Variants in CTSB observed in about 807,000 individuals in gnomAD.
The protein encoded by CTSB is cathepsin B, also known as APP secretase.
CTSB carries 57 observed loss-of-function variants against 44.3 expected under a neutral mutation model. That is an observed-to-expected ratio of 1.29 (90% CI 1.04 to 1.60). CTSB has a LOEUF of 1.60. Among genes scored for constraint, CTSB ranks in the 40% most tolerant of loss-of-function variants. The pLI, the probability that CTSB is intolerant of heterozygous loss-of-function variation, is 0.00. For synonymous variants in CTSB, 320 were observed against 168.0 expected (o/e 1.91, Z -7.00); for missense variants, 768 against 443.0 (o/e 1.73, Z -6.59).
rs1393738490 is a variant in CTSB at position 11,845,568 on chromosome 8, G to C, written c.922+93C>G. On this transcript the variant is annotated intron_variant, in intron 9 of 9. Transcript: ENST00000353047. ...GCCTGGCCGTAGGTCCAGGGTTTAA[G>C]GCTGTGCGGTGGGTAGAACAGAGAA... The C allele has an allele frequency of 3.4e-6, 5 of 1,477,262 alleles. No homozygotes were observed. The African/African-American group carries it at 4.1e-5, about 12-fold the overall frequency. The allele number at this position is 1,477,262 out of a possible 1,614,324, so 91.5% of individuals were successfully genotyped here.
At position 11,842,548 on chromosome 8, in the gene CTSB, G is replaced by GA. The variant is rs1284321851; in HGVS notation, c.*2576dup. 4 of 152,176 alleles carry GA rather than the reference G, an allele frequency of 2.6e-5. No individual in the cohort carries two copies. Among genetic ancestry groups the GA allele is most frequent in the Non-Finnish European group, 5.9e-5 (4 of 68,050 alleles). The allele number at this position is 152,176 out of a possible 1,614,324, so 9.4% of individuals were successfully genotyped here. ...GTTTGGGAGCAGGGAGAACTTTATT[G>GA]AGGTTATGAATATATTCTACTTGAA... On this transcript the variant is annotated 3_prime_UTR_variant, in exon 10 of 10. Transcript: ENST00000353047.
rs375322987 is a variant in CTSB, at chr8:11,850,998, T to C, written c.213-18A>G. 3 of 1,584,198 alleles carry C rather than the reference T, an allele frequency of 1.9e-6. No homozygotes were observed. Among genetic ancestry groups the C allele is most frequent in the South Asian group, 2.2e-5 (2 of 89,442 alleles). On this transcript the variant is annotated intron_variant, in intron 3 of 9. Transcript: ENST00000353047. ...ACATAACTCTGGATAAAGGAAGGTC[T>C]TCATTACAAGCTCTGATCCCACAAC...
At chr8:11,852,946 G>A (rs1329771645) in intron 2 of CTSB, among the ~76,000 whole-genome samples, 3 of 152,158 alleles carry the variant, frequency 2.0e-5, no homozygotes, top group Admixed American at 6.5e-5. Context: ...CTCATTCTTG[G>A]TTCTCAGTCC....
chr8:11,863,773 G>A (rs78811180), intron 1 of CTSB, among the ~76,000 whole-genome samples: 1 of 152,108 alleles, frequency 6.6e-6, no homozygotes, highest in East Asian at 1.9e-4. Flanking sequence ...TCAAAGTCTG[G>A]TACTATCTAG....
At chr8:11,845,828 A>G (rs753809813) in intron 8 of CTSB, 39 bp from the exon 9 acceptor site, 12 of 1,580,754 alleles carry the variant, frequency 7.6e-6, no homozygotes, top group Non-Finnish European at 1.0e-5. Context: ...AGACCGGGCC[A>G]CTGTCCCACG....
intron 8 of CTSB, 26 bp from the exon 9 acceptor site, chr8:11,845,815 C>T: frequency 1.9e-6 from 3 of 1,597,122 alleles, no homozygotes; most frequent in South Asian, 1.1e-5. Flanking sequence ...CTGGCTGAGA[C>T]CGAGACCGGG....
rs1482008001 is a variant in CTSB at position 11,844,085 on chromosome 8, A to C, written c.*1040T>G. 1 of 152,230 alleles carries C rather than the reference A, an allele frequency of 6.6e-6. No homozygotes were observed. The highest frequency in any genetic ancestry group is 6.5e-5 in the Admixed American group (1 of 15,276). 9.4% of individuals were successfully genotyped at this position (152,230 alleles called of 1,614,324 possible). On this transcript the variant is annotated 3_prime_UTR_variant, in exon 10 of 10. Transcript: ENST00000353047. Reference sequence around the variant, plus strand: ...CAGCTATGTTTTGAGTTCTTAAGCAAGGGCAAGCTTACCAGGCACTTACAG... The same window carrying C: ...CAGCTATGTTTTGAGTTCTTAAGCACGGGCAAGCTTACCAGGCACTTACAG...
Position 11,845,741 on chromosome 8 carries a change from CG to C in CTSB, c.841del (p.Arg281AlafsTer82). ...ATTCTCCACTCCCCAGCCCAGGATG[CG>C]GATGGCATGGCCACCCATCATCTCT... ...TGEMMGGHAIRILGWGVENGT... is the reference protein window; with the variant it reads ...TGEMMGGHAIXILGWGVENGT... On this transcript the variant is annotated frameshift_variant, in exon 9 of 10. Transcript: ENST00000353047. LOFTEE classifies it high-confidence loss of function. 6.2e-7 allele frequency: 1 copy of C among 1,613,970 alleles called. No homozygotes were observed. The highest frequency in any genetic ancestry group is 2.2e-5 in the East Asian group (1 of 44,876).
At chr8:11,860,949 G>GT (rs1472870109) in intron 1 of CTSB, among the ~76,000 whole-genome samples, 1 of 152,234 alleles carries the variant, frequency 6.6e-6, no homozygotes, top group Admixed American at 6.5e-5. Flanking sequence ...CAATGCTGGA[G>GT]CAGCCCTGCA....
Position 11,845,080 on chromosome 8 carries a change from AC to A in CTSB, c.*44del, listed in dbSNP as rs1354045734. 2 of 1,271,432 alleles carry A rather than the reference AC, an allele frequency of 1.6e-6. No individual in the cohort carries two copies. The highest frequency in any genetic ancestry group is 2.3e-6 in the Non-Finnish European group (2 of 868,866). The allele number at this position is 1,271,432 out of a possible 1,614,324, so 78.8% of individuals were successfully genotyped here. Reference sequence around the variant, plus strand: ...AACTTAAAGAATAAAATGCATTTCTACCCCGATCTCGCCCCCAGGACTGGCA... The same window carrying A: ...AACTTAAAGAATAAAATGCATTTCTACCCGATCTCGCCCCCAGGACTGGCA... On this transcript the variant is annotated 3_prime_UTR_variant, in exon 10 of 10. Transcript: ENST00000353047.
At chr8:11,867,849 G>T (rs1402176117) in intron 1 of CTSB, 152 bp downstream of exon 1, 1 of 141,256 alleles carries the variant, frequency 7.1e-6, no homozygotes, top group Non-Finnish European at 1.6e-5. Context: ...GGACAGTCCC[G>T]AGGGTCCCGG....
chr8:11,845,113 G>A lies in CTSB; in HGVS notation c.*12C>T. 1.3e-6 allele frequency: 2 copies of A among 1,591,034 alleles called. No individual in the cohort carries two copies. The highest frequency in any genetic ancestry group is 1.1e-5 in the South Asian group (1 of 90,628). ...CTCGCCCCCAGGACTGGCACGACAG[G>A]CCCACGGCAGATTAGATCTTTTCCC... On this transcript the variant is annotated 3_prime_UTR_variant, in exon 10 of 10. Transcript: ENST00000353047.
intron 8 of CTSB, 38 bp downstream of exon 8, chr8:11,847,004 TCCCCTCCCGA>T: frequency 1.1e-6 from 1 of 904,652 alleles, no homozygotes; most frequent in Non-Finnish European, 1.9e-6. Flanking sequence ...GCACCCAGGC[TCCCCTCCCGA>T]CCCCCACCCT....
chr8:11,845,557 C>G (rs562324480), intron 9 of CTSB, 104 bp downstream of exon 9: 1 of 1,406,544 alleles, frequency 7.1e-7, no homozygotes, highest in South Asian at 1.4e-5. Context: ...GGCCGTAGGT[C>G]CAGGGTTTAA....
chr8:11,857,417 T>C (rs1347821312), intron 1 of CTSB, among the ~76,000 whole-genome samples: 2 of 152,288 alleles, frequency 1.3e-5, no homozygotes, highest in Admixed American at 6.5e-5. Context: ...GCCTCCACAC[T>C]GTGAGGTTAG....
chr8:11,845,513 T>C, intron 9 of CTSB, 148 bp downstream of exon 9: 1 of 967,556 alleles, frequency 1.0e-6, no homozygotes, highest in Non-Finnish European at 1.5e-6. Flanking sequence ...AGGGAACTCC[T>C]GACTGCCTGG....
At chr8:11,847,343 G>C (rs568349958) in intron 7 of CTSB, among the ~76,000 whole-genome samples, 175 bp from the exon 8 acceptor site, 9 of 152,238 alleles carry the variant, frequency 5.9e-5, no homozygotes, top group Non-Finnish European at 1.3e-4. Context: ...GACAGGGCTG[G>C]GGCTGGAAGC....
At chr8:11,848,429 G>C in intron 5 of CTSB, 3 of 561,078 alleles carry the variant, frequency 5.3e-6, no homozygotes. Flanking sequence ...GGCTACGAGT[G>C]CCCTTCCGGG....
chr8:11,853,495 G>A lies in CTSB; in HGVS notation c.-25-16C>T. The A allele has an allele frequency of 1.9e-6, 3 of 1,602,204 alleles. No individual in the cohort carries two copies. The highest frequency in any genetic ancestry group is 2.6e-6 in the Non-Finnish European group (3 of 1,175,214). The stretch of plus-strand genomic sequence containing the variant: ...CTAGATCCACCTGGAGAGGACAGAG[G>A]GCATCAGGACACCTCTCTGTTATGT... On this transcript the variant is annotated splice_polypyrimidine_tract_variant and intron_variant, in intron 1 of 9. Transcript: ENST00000353047.
Sources: gnomAD v4.1 joint callset for allele counts (sites outside exome capture counted in the v4.1 genomes callset) on GRCh38, gnomAD v4.1.1 for gene constraint, MANE v1.5 for transcripts, NCBI Gene and HGNC (gene_info 2026-07-23, HGNC 2026-07-21) for gene names.